The following DAB1 variants were observed in gnomAD, a reference collection of about 807,000 sequenced individuals.
The protein encoded by DAB1 is DAB adaptor protein 1.
In DAB1, 15 loss-of-function variants were observed where a neutral mutation model predicts 64.6. That is an observed-to-expected ratio of 0.23 (90% CI 0.16 to 0.36). The LOEUF is 0.36. DAB1 is among the 10% of genes least tolerant of loss of function. The pLI, the probability that DAB1 is intolerant of heterozygous loss-of-function variation, is 1.00. For synonymous variants in DAB1, 235 were observed against 251.9 expected (o/e 0.93, Z 0.64); for missense variants, 596 against 706.7 (o/e 0.84, Z 1.78).
At position 58,451,988 on chromosome 1, in the gene DAB1, G is replaced by A. The variant is rs182510081; in HGVS notation, n.257+54072C>T. On this transcript the variant is annotated intron_variant and non_coding_transcript_variant, in intron 3 of 20. Coordinates refer to the DAB1 transcript ENST00000485760. ...ACTGGAGTGCAATGGCACGATCTCC[G>A]CTCACTGCAACCTTTGTGCCCCACC... is the stretch of plus-strand genomic sequence containing the variant. Among the ~76,000 whole-genome samples, 14 of 145,004 alleles carry A rather than the reference G, an allele frequency of 9.7e-5. No homozygotes were observed. The East Asian group carries it at 1.8e-3, about 19-fold the overall frequency.
chr1:57,065,904 A>G (rs944619712), intron 8 of DAB1, among the ~76,000 whole-genome samples: 2 of 152,114 alleles, frequency 1.3e-5, no homozygotes, highest in African/African-American at 4.8e-5. Flanking sequence ...TGCCAGACGC[A>G]TGTGATTTCC....
intron 4 of DAB1, among the ~76,000 whole-genome samples, chr1:57,127,831 C>T (rs980115358): frequency 3.9e-5 from 6 of 152,108 alleles, no homozygotes; most frequent in Non-Finnish European, 7.4e-5. Flanking sequence ...GCAATCAGTA[C>T]TCAACAAATG....
chr1:58,532,556 C>T (rs1478772976), intron 1 of DAB1, among the ~76,000 whole-genome samples: 3 of 152,112 alleles, frequency 2.0e-5, no homozygotes, highest in Non-Finnish European at 4.4e-5. Context: ...GAGACAGTGT[C>T]TCACTCTGTC....
chr1:57,010,729 C>T lies in DAB1; in HGVS notation c.1634G>A (p.Ser545Asn), dbSNP rs1318863138. ...GGCCTGTGGACTTATATTATCACCACTGGGCTCCCCACTGGGCTCACCAAA... is the reference window on the plus strand; with the variant it reads ...GGCCTGTGGACTTATATTATCACCATTGGGCTCCCCACTGGGCTCACCAAA... ...DPFGEPSGEPSGDNISPQAGS is the reference protein window; with the variant it reads ...DPFGEPSGEPNGDNISPQAGS Residue 545 changes from serine (S) to asparagine (N), a missense_variant, in exon 14 of 15, where the codon AGT becomes AAT. Coordinates refer to ENST00000371236, the MANE Select transcript of DAB1 (RefSeq NM_001365792.1). 1 of 1,597,742 alleles carries T rather than the reference C, an allele frequency of 6.3e-7. No homozygotes were observed. Among genetic ancestry groups the T allele is most frequent in the South Asian group, 1.1e-5 (1 of 89,028 alleles).
intron 7 of DAB1, among the ~76,000 whole-genome samples, chr1:57,550,737 T>G (rs373472295): frequency 2.6e-4 from 40 of 152,318 alleles, no homozygotes; most frequent in African/African-American, 8.7e-4. Flanking sequence ...ACTTTCTTAG[T>G]GCTTAACACA....
chr1:58,061,673 G>T (rs781528334), intron 5 of DAB1, among the ~76,000 whole-genome samples: 2 of 152,142 alleles, frequency 1.3e-5, no homozygotes, highest in African/African-American at 4.8e-5. Flanking sequence ...TATAAATTTG[G>T]GGTGAGAGGA....
intron 6 of DAB1, among the ~76,000 whole-genome samples, chr1:57,808,472 T>A (rs1268523045): frequency 2.0e-5 from 3 of 152,156 alleles, no homozygotes; most frequent in Non-Finnish European, 4.4e-5. Context: ...GCCACATTAC[T>A]TAGCTCTGTG....
intron 5 of DAB1, among the ~76,000 whole-genome samples, chr1:58,143,160 G>A (rs190866821): frequency 3.0e-4 from 45 of 152,122 alleles, no homozygotes; most frequent in Admixed American, 2.4e-3. Flanking sequence ...GGAACTATTC[G>A]TCTGAGAAAG....
At chr1:58,065,070 T>C (rs936457680) in intron 5 of DAB1, among the ~76,000 whole-genome samples, 1 of 152,208 alleles carries the variant, frequency 6.6e-6, no homozygotes, top group African/African-American at 2.4e-5. Context: ...CCTAAGCCAG[T>C]TGCATATATT....
chr1:58,174,226 A>G (rs1330556518), intron 4 of DAB1, among the ~76,000 whole-genome samples: 1 of 152,084 alleles, frequency 6.6e-6, no homozygotes, highest in African/African-American at 2.4e-5. Flanking sequence ...ATCAGACAAC[A>G]CCTTTCAAAC....
intron 4 of DAB1, among the ~76,000 whole-genome samples, chr1:58,210,166 G>A (rs1458566982): frequency 1.3e-5 from 2 of 152,074 alleles, no homozygotes; most frequent in Non-Finnish European, 2.9e-5. Context: ...CCCTCAAGAC[G>A]TCCGAGATTT....
intron 5 of DAB1, among the ~76,000 whole-genome samples, chr1:58,107,328 G>A (rs1053016601): frequency 2.7e-5 from 4 of 150,242 alleles, no homozygotes; most frequent in African/African-American, 9.8e-5. Context: ...AAAAGTAGCT[G>A]GGCGTGGTGG....
rs564666409 is a variant in DAB1 at position 57,545,546 on chromosome 1, T to A, written n.625+104046A>T. 9.2e-5 allele frequency among the ~76,000 whole-genome samples: 14 copies of A among 152,298 alleles called. No homozygotes were observed. In the East Asian group the frequency reaches 2.7e-3, roughly 29 times the overall value. The stretch of plus-strand genomic sequence containing the variant: ...AACCTATTGCTCTTCCCCCTTCAAA[T>A]GTTGGGCTCAAGGCCCTGGTTCCTG... On this transcript the variant is annotated intron_variant and non_coding_transcript_variant, in intron 7 of 20. Transcript: ENST00000485760.
At chr1:58,173,004 T>C (rs1656262707) in intron 4 of DAB1, among the ~76,000 whole-genome samples, 1 of 152,152 alleles carries the variant, frequency 6.6e-6, no homozygotes, top group South Asian at 2.1e-4. Flanking sequence ...GAGGTGGCAG[T>C]CTTACACTGC....
chr1:57,768,570 T>A (rs1317905699), intron 6 of DAB1, among the ~76,000 whole-genome samples: 3 of 149,904 alleles, frequency 2.0e-5, no homozygotes, highest in Non-Finnish European at 4.4e-5. Context: ...AATATATATA[T>A]TATCTATATA....
At chr1:57,463,210 G>T (rs1686845849) in intron 7 of DAB1, among the ~76,000 whole-genome samples, 1 of 152,148 alleles carries the variant, frequency 6.6e-6, no homozygotes, top group Non-Finnish European at 1.5e-5. Flanking sequence ...GCTTTGTGGA[G>T]CCTCAATCTC....
chr1:57,396,295 G>A (rs748264044), intron 1 of DAB1, among the ~76,000 whole-genome samples: 11 of 152,228 alleles, frequency 7.2e-5, no homozygotes, highest in Non-Finnish European at 1.3e-4. Flanking sequence ...ACAAGCCAGA[G>A]TGGAGATCCA....
chr1:57,907,911 T>A (rs12066023), intron 5 of DAB1, among the ~76,000 whole-genome samples: 1 of 135,744 alleles, frequency 7.4e-6, no homozygotes, highest in Non-Finnish European at 1.5e-5. Context: ...TATATATATA[T>A]AATATATATA....
At chr1:57,040,140 T>C (rs1647552835) in intron 9 of DAB1, among the ~76,000 whole-genome samples, 1 of 152,126 alleles carries the variant, frequency 6.6e-6, no homozygotes. Flanking sequence ...TGGTGGTTAC[T>C]AGTATTATTG....
Sources: gnomAD v4.1 joint callset for allele counts (sites outside exome capture counted in the v4.1 genomes callset) on GRCh38, gnomAD v4.1.1 for gene constraint, MANE v1.5 for transcripts, NCBI Gene and HGNC (gene_info 2026-07-23, HGNC 2026-07-21) for gene names.